UNC5D: variants seen among roughly 807,000 people sequenced by gnomAD.
UNC5D encodes netrin receptor UNC5D.
UNC5D carries 39 observed loss-of-function variants against 105.4 expected under a neutral mutation model. The observed-to-expected ratio is 0.37, with a 90% CI of 0.29 to 0.48. The LOEUF is 0.48. Among genes scored for constraint, UNC5D ranks in the 20% least tolerant of loss-of-function variants. UNC5D has a pLI of 0.98. For synonymous variants in UNC5D, 452 were observed against 450.4 expected, an observed-to-expected ratio of 1.00 and a Z score of -0.04; for missense variants, 991 against 1,202.4, an observed-to-expected ratio of 0.82 and a Z score of 2.60.
At chr8:35,665,006 T>TAAG (rs1824336926) in intron 4 of UNC5D, among the ~76,000 whole-genome samples, 1 of 152,050 alleles carries the variant, frequency 6.6e-6, no homozygotes, top group African/African-American at 2.4e-5. Flanking sequence ...GCTAATTTTT[T>TAAG]AAGTTTTTAT....
At chr8:35,500,049 C>A (rs1321210546) in intron 1 of UNC5D, among the ~76,000 whole-genome samples, 1 of 152,184 alleles carries the variant, frequency 6.6e-6, no homozygotes, top group Non-Finnish European at 1.5e-5. Context: ...CAAATTATCA[C>A]CCTCACCTTT....
chr8:35,630,650 G>A (rs773348475), intron 4 of UNC5D, among the ~76,000 whole-genome samples: 30 of 152,082 alleles, frequency 2.0e-4, no homozygotes, highest in East Asian at 3.9e-4. Flanking sequence ...TTTTAGGGCC[G>A]TACATACCCT....
chr8:35,363,673 C>T (rs1483751758), intron 1 of UNC5D, among the ~76,000 whole-genome samples: 1 of 152,090 alleles, frequency 6.6e-6, no homozygotes, highest in East Asian at 1.9e-4. Flanking sequence ...ATTTGGTTAA[C>T]ATGTTATCTG....
intron 1 of UNC5D, among the ~76,000 whole-genome samples, chr8:35,422,831 G>A (rs1336008206): frequency 1.3e-5 from 2 of 152,178 alleles, no homozygotes; most frequent in African/African-American, 2.4e-5. Context: ...ATGGAAAAAT[G>A]TGAACATAAT....
intron 1 of UNC5D, among the ~76,000 whole-genome samples, chr8:35,257,235 T>G: frequency 6.6e-6 from 1 of 152,240 alleles, no homozygotes; most frequent in Non-Finnish European, 1.5e-5. Context: ...TCCCAAAGTG[T>G]TGAGATTACA....
intron 2 of UNC5D, among the ~76,000 whole-genome samples, chr8:35,551,765 C>G (rs1221981265): frequency 8.6e-5 from 13 of 151,376 alleles, no homozygotes; most frequent in Admixed American, 8.6e-4. Flanking sequence ...TTGCAGTGAG[C>G]CAAGATCATG....
intron 1 of UNC5D, among the ~76,000 whole-genome samples, chr8:35,508,851 GA>G (rs1436476936): frequency 6.6e-6 from 1 of 152,238 alleles, no homozygotes; most frequent in Non-Finnish European, 1.5e-5. Context: ...AAATGAACTG[GA>G]GGTATTTGGC....
chr8:35,352,789 T>C (rs1333159464), intron 1 of UNC5D, among the ~76,000 whole-genome samples: 1 of 152,086 alleles, frequency 6.6e-6, no homozygotes, highest in Non-Finnish European at 1.5e-5. Context: ...ATTTTTGTAT[T>C]TTTAGTAGAG....
intron 1 of UNC5D, among the ~76,000 whole-genome samples, chr8:35,400,599 C>T (rs1008429031): frequency 2.6e-5 from 4 of 152,124 alleles, no homozygotes; most frequent in African/African-American, 9.7e-5. Context: ...GTGTTTTCCT[C>T]GGTCATTAGG....
At chr8:35,525,183 G>A in intron 1 of UNC5D, 1 of 1,610,538 alleles carries the variant, frequency 6.2e-7, no homozygotes, top group Non-Finnish European at 8.5e-7. Context: ...GACTCAGGAT[G>A]ACAGGGCAGC....
intron 4 of UNC5D, among the ~76,000 whole-genome samples, chr8:35,616,145 A>C (rs1821011885): frequency 6.6e-6 from 1 of 152,204 alleles, no homozygotes; most frequent in Non-Finnish European, 1.5e-5. Flanking sequence ...TTTATAAATA[A>C]CCAAACTGAG....
intron 1 of UNC5D, among the ~76,000 whole-genome samples, chr8:35,428,259 G>C (rs1200798914): frequency 3.3e-5 from 5 of 150,922 alleles, no homozygotes; most frequent in Admixed American, 3.3e-4. Context: ...AGCTCAAGGA[G>C]CCCTCCACCT....
intron 3 of UNC5D, among the ~76,000 whole-genome samples, chr8:35,578,224 T>C (rs1467975237): frequency 2.2e-5 from 1 of 45,198 alleles, no homozygotes; most frequent in African/African-American, 1.3e-4. Flanking sequence ...AAACTCTGTC[T>C]CAAAAAAAAA....
At chr8:35,439,968 TAC>T (rs1437363122) in intron 1 of UNC5D, among the ~76,000 whole-genome samples, 5 of 152,040 alleles carry the variant, frequency 3.3e-5, no homozygotes, top group Admixed American at 6.6e-5. Context: ...TGTAAGAAAG[TAC>T]ATCCAATAGC....
intron 1 of UNC5D, among the ~76,000 whole-genome samples, chr8:35,413,131 G>A (rs1805284256): frequency 1.3e-5 from 2 of 151,994 alleles, no homozygotes; most frequent in South Asian, 4.1e-4. Context: ...TTTACTTCAA[G>A]GGGCAACCAT....
intron 1 of UNC5D, among the ~76,000 whole-genome samples, chr8:35,312,311 A>T (rs974162964): frequency 6.6e-6 from 1 of 152,226 alleles, no homozygotes; most frequent in Non-Finnish European, 1.5e-5. Context: ...ATTCACTACC[A>T]TTTGAAAATG....
At chr8:35,758,352 C>G (rs1349611154) in intron 13 of UNC5D, among the ~76,000 whole-genome samples, 2 of 151,718 alleles carry the variant, frequency 1.3e-5, no homozygotes, top group African/African-American at 4.8e-5. Flanking sequence ...TTCTAACAGT[C>G]TTTTTTTTAA....
chr8:35,535,411 G>A (rs369435069), intron 1 of UNC5D, among the ~76,000 whole-genome samples: 1 of 151,670 alleles, frequency 6.6e-6, no homozygotes, highest in East Asian at 2.0e-4. Context: ...ATATGTAATA[G>A]GCTTTTTGTT....
At chr8:35,376,642 C>A (rs1019951672) in intron 1 of UNC5D, among the ~76,000 whole-genome samples, 2 of 152,164 alleles carry the variant, frequency 1.3e-5, no homozygotes, top group Non-Finnish European at 2.9e-5. Flanking sequence ...CCCATGATTC[C>A]TTTCATACTC....
Sources: allele counts gnomAD v4.1 joint callset (sites outside exome capture counted in the v4.1 genomes callset), GRCh38; gene constraint gnomAD v4.1.1; transcripts MANE v1.5; gene names NCBI Gene and HGNC (gene_info 2026-07-23, HGNC 2026-07-21).